Variants in BLTP1 observed in about 807,000 individuals in gnomAD.
BLTP1 encodes bridge-like lipid transfer protein family member 1.
chr4:122,169,196 C>T, the BLTP1 span, among the ~76,000 whole-genome samples: 1 of 152,124 alleles, frequency 6.6e-6, no homozygotes, highest in African/African-American at 2.4e-5. Flanking sequence ...CTCAAGAGTT[C>T]TTCCTACCTT....
chr4:122,211,652 C>G, the BLTP1 span, among the ~76,000 whole-genome samples: 1 of 152,066 alleles, frequency 6.6e-6, no homozygotes, highest in Non-Finnish European at 1.5e-5. Flanking sequence ...ATGCTTAGAA[C>G]AAAGAACAAG....
chr4:122,243,155 G>A, the BLTP1 span: 1 of 1,297,184 alleles, frequency 7.7e-7, no homozygotes, highest in Non-Finnish European at 1.1e-6. Flanking sequence ...TTCTTTATTT[G>A]AGTATGAACT....
the BLTP1 span, chr4:122,315,576 CAA>C: frequency 6.2e-7 from 1 of 1,614,092 alleles, no homozygotes; most frequent in Non-Finnish European, 8.5e-7. Context: ...AATACTCTTA[CAA>C]CACTGACAGG....
chr4:122,227,076 CA>C, the BLTP1 span: 64 of 552,470 alleles, frequency 1.2e-4, no homozygotes, highest in Non-Finnish European at 1.5e-4. Context: ...ATTTTGCTTA[CA>C]TTTTTACTGT....
the BLTP1 span, chr4:122,187,435 A>G: frequency 1.2e-6 from 2 of 1,611,240 alleles, no homozygotes; most frequent in Middle Eastern, 1.6e-4. Context: ...TGTTAGAGTT[A>G]AAGTAAAAAC....
the BLTP1 span, chr4:122,306,065 T>C: frequency 2.5e-6 from 4 of 1,581,130 alleles, no homozygotes; most frequent in African/African-American, 5.5e-5. Flanking sequence ...AGTCAATCAC[T>C]ACTATCCTCT....
At chr4:122,266,704 G>A in the BLTP1 span, 1 of 1,298,000 alleles carries the variant, frequency 7.7e-7, no homozygotes, top group Non-Finnish European at 1.0e-6. Context: ...AGAAATAAAA[G>A]CTGCATTTTC....
the BLTP1 span, among the ~76,000 whole-genome samples, chr4:122,323,115 T>G: frequency 6.6e-6 from 1 of 152,084 alleles, no homozygotes; most frequent in Non-Finnish European, 1.5e-5. Context: ...AATTCTTCAA[T>G]TACAGTTCAG....
At chr4:122,166,637 G>T in the BLTP1 span, among the ~76,000 whole-genome samples, 11 of 152,156 alleles carry the variant, frequency 7.2e-5, no homozygotes, top group African/African-American at 2.4e-4. Flanking sequence ...TGATAGGGAT[G>T]GCATTGAATC....
At chr4:122,305,736 T>G in the BLTP1 span, 5 of 1,339,460 alleles carry the variant, frequency 3.7e-6, no homozygotes, top group East Asian at 2.6e-5. Flanking sequence ...TGGTACAGAG[T>G]ATAAGGAATA....
At chr4:122,313,825 TA>T in the BLTP1 span, 1 of 417,184 alleles carries the variant, frequency 2.4e-6, no homozygotes, top group East Asian at 4.6e-5. Flanking sequence ...CATTTGTATT[TA>T]TTTAACAATT....
At chr4:122,264,475 T>C in the BLTP1 span, 1 of 1,481,722 alleles carries the variant, frequency 6.7e-7, no homozygotes. Context: ...TCCTTAGGCA[T>C]TGCTTAGCAA....
the BLTP1 span, chr4:122,356,813 T>A: frequency 6.4e-7 from 1 of 1,572,072 alleles, no homozygotes; most frequent in Non-Finnish European, 8.6e-7. Context: ...CAATGCCATT[T>A]ACATGAATTG....
the BLTP1 span, among the ~76,000 whole-genome samples, chr4:122,288,263 T>G: frequency 1.3e-5 from 2 of 152,310 alleles, no homozygotes; most frequent in South Asian, 2.1e-4. Flanking sequence ...CTCTGATGAT[T>G]TACTAATTCA....
the BLTP1 span, among the ~76,000 whole-genome samples, chr4:122,295,034 T>C: frequency 6.6e-6 from 1 of 152,062 alleles, no homozygotes. Context: ...AAGACTGTCT[T>C]TCTGAAATAA....
At chr4:122,182,745 T>A in the BLTP1 span, 5 of 985,304 alleles carry the variant, frequency 5.1e-6, no homozygotes, top group Non-Finnish European at 6.0e-6. Context: ...TCACATTCAC[T>A]GCTCCCTTTC....
the BLTP1 span, chr4:122,257,565 C>A: frequency 2.2e-6 from 3 of 1,371,488 alleles, no homozygotes; most frequent in Non-Finnish European, 3.1e-6. Flanking sequence ...TTACTCAACA[C>A]AATTACTGTA....
chr4:122,197,825 C>A, the BLTP1 span: 1 of 253,170 alleles, frequency 3.9e-6, no homozygotes, highest in Non-Finnish European at 6.2e-6. Flanking sequence ...GTTGATCATG[C>A]ACTTGAAATA....
At chr4:122,319,209 GTTTGT>G in the BLTP1 span, among the ~76,000 whole-genome samples, 2 of 151,746 alleles carry the variant, frequency 1.3e-5, no homozygotes, top group Admixed American at 6.6e-5. Context: ...TTGATTTCCT[GTTTGT>G]TTTATTTCTT....
Sources: gnomAD v4.1 joint callset for allele counts (sites outside exome capture counted in the v4.1 genomes callset) on GRCh38, gnomAD v4.1.1 for gene constraint, MANE v1.5 for transcripts, NCBI Gene and HGNC (gene_info 2026-07-23, HGNC 2026-07-21) for gene names.